The following TRPS1 variants were observed in gnomAD, a reference collection of about 807,000 sequenced individuals.
TRPS1 encodes the protein zinc finger transcription factor Trps1.
Under a neutral mutation model 101.2 loss-of-function variants are expected in TRPS1, and 6 were observed. That is an observed-to-expected ratio of 0.06 (90% CI 0.03 to 0.12). The LOEUF is 0.12. Ranked by LOEUF, TRPS1 falls within the 10% of genes least tolerant of loss-of-function variation. The pLI is 1.00. For missense variants in TRPS1, 1,363 were observed against 1,567.0 expected, an observed-to-expected ratio of 0.87 and a Z score of 2.20; for synonymous variants, 578 against 589.8, an observed-to-expected ratio of 0.98 and a Z score of 0.29.
At chr8:115,539,899 G>A (rs951024745) in intron 5 of TRPS1, among the ~76,000 whole-genome samples, 2 of 152,148 alleles carry the variant, frequency 1.3e-5, no homozygotes, top group East Asian at 1.9e-4. Flanking sequence ...AATATCTGCC[G>A]TCTACATGAT....
intron 5 of TRPS1, among the ~76,000 whole-genome samples, chr8:115,499,240 T>G (rs1014759995): frequency 1.3e-5 from 2 of 152,218 alleles, no homozygotes; most frequent in African/African-American, 4.8e-5. Context: ...ATAAAGTATT[T>G]TATGATTCTT....
intron 3 of TRPS1, among the ~76,000 whole-genome samples, chr8:115,617,015 A>G (rs1818290444): frequency 6.6e-6 from 1 of 152,210 alleles, no homozygotes; most frequent in African/African-American, 2.4e-5. Context: ...CTGCAGCAGT[A>G]TCTGGCATAT....
At chr8:115,535,003 CATATATATAGCATATATATAAGCAT>C (rs1198083800) in intron 5 of TRPS1, among the ~76,000 whole-genome samples, 29 of 147,736 alleles carry the variant, frequency 2.0e-4, no homozygotes, top group African/African-American at 6.4e-4. Flanking sequence ...ATATATATAG[CATATATATAGCATATATATAAGCAT>C]ATATATATAG....
chr8:115,635,098 G>A (rs118048966), intron 1 of TRPS1, among the ~76,000 whole-genome samples: 2,670 of 152,290 alleles, frequency 0.018, 53 homozygotes, highest in Non-Finnish European at 0.028. Flanking sequence ...CCAGTTAAAA[G>A]ATAGCACTGT....
chr8:115,446,311 A>C (rs1280409499), intron 5 of TRPS1, among the ~76,000 whole-genome samples: 1 of 148,958 alleles, frequency 6.7e-6, no homozygotes, highest in Non-Finnish European at 1.5e-5. Context: ...CCATCAAAAA[A>C]ATATTTTTTT....
At chr8:115,501,920 T>C (rs1354247126) in intron 5 of TRPS1, among the ~76,000 whole-genome samples, 2 of 152,090 alleles carry the variant, frequency 1.3e-5, no homozygotes, top group African/African-American at 4.8e-5. Flanking sequence ...CCAGTCCATC[T>C]TCATTGCCAG....
intron 6 of TRPS1, 67 bp from the exon 7 acceptor site, chr8:115,415,151 T>C: frequency 6.7e-7 from 1 of 1,483,396 alleles, no homozygotes; most frequent in Non-Finnish European, 9.1e-7. Flanking sequence ...CATTAAAAAT[T>C]CCTCACAAAT....
chr8:115,596,270 A>G (rs984768483), intron 4 of TRPS1, among the ~76,000 whole-genome samples: 1 of 152,004 alleles, frequency 6.6e-6, no homozygotes, highest in African/African-American at 2.4e-5. Flanking sequence ...TATTTGTACT[A>G]GACCATAATT....
intron 3 of TRPS1, among the ~76,000 whole-genome samples, chr8:115,610,929 C>T (rs954359955): frequency 6.6e-6 from 1 of 151,864 alleles, no homozygotes; most frequent in African/African-American, 2.4e-5. Flanking sequence ...CCAGCCTGGC[C>T]AACATGGTGA....
At chr8:115,479,964 A>G (rs1814710137) in intron 5 of TRPS1, among the ~76,000 whole-genome samples, 1 of 152,158 alleles carries the variant, frequency 6.6e-6, no homozygotes, top group African/African-American at 2.4e-5. Flanking sequence ...TTTACTTCCC[A>G]ATGAAGCAGA....
At chr8:115,570,844 G>C (rs1368034781) in intron 5 of TRPS1, among the ~76,000 whole-genome samples, 1 of 152,090 alleles carries the variant, frequency 6.6e-6, no homozygotes, top group African/African-American at 2.4e-5. Context: ...TCAATCCCAT[G>C]TAAACCAAAA....
intron 5 of TRPS1, among the ~76,000 whole-genome samples, chr8:115,449,212 A>G (rs921224687): frequency 1.3e-5 from 2 of 152,170 alleles, no homozygotes; most frequent in Non-Finnish European, 2.9e-5. Flanking sequence ...TTAACTATTA[A>G]GAACTTCTCT....
intron 2 of TRPS1, among the ~76,000 whole-genome samples, chr8:115,623,155 T>C (rs148345696): frequency 2.0e-5 from 3 of 152,184 alleles, no homozygotes; most frequent in Admixed American, 6.5e-5. Context: ...AGAACACTTA[T>C]GACTCATGAC....
At chr8:115,606,113 A>G (rs1340304600) in intron 3 of TRPS1, among the ~76,000 whole-genome samples, 1 of 152,196 alleles carries the variant, frequency 6.6e-6, no homozygotes. Flanking sequence ...CTGTTCAAAA[A>G]TGACACGTGT....
intron 1 of TRPS1, among the ~76,000 whole-genome samples, chr8:115,664,419 T>C (rs1326143001): frequency 6.6e-6 from 1 of 152,072 alleles, no homozygotes; most frequent in Admixed American, 6.5e-5. Flanking sequence ...ATTCCATAAA[T>C]CATAACTATT....
intron 5 of TRPS1, among the ~76,000 whole-genome samples, chr8:115,542,966 A>G (rs1477828455): frequency 1.3e-5 from 2 of 152,150 alleles, no homozygotes; most frequent in East Asian, 3.9e-4. Flanking sequence ...GAAGACTCAC[A>G]TTTTCTCTTT....
Position 115,414,665 on chromosome 8 carries a change from T to C in TRPS1, c.3243A>G (p.Ile1081Met). Residue 1081 changes from isoleucine (I) to methionine (M), a missense_variant, in exon 7 of 7, where the codon ATA becomes ATG. By Grantham distance (10) the Ile-to-Met change is conservative. Coordinates refer to ENST00000395715, the MANE Select transcript of TRPS1 (RefSeq NM_014112.5). The surrounding 1 kb of genome is among the most constrained non-coding windows in gnomAD (Gnocchi z 4.8). ...GTTTCGCAGGTCTCATGTACTTTTC[T>C]ATAGGACTGCCTCTCTCAGAACTTC... ...GKGSSERGSP[I>M]EKYMRPAKHP... 1.9e-6 allele frequency: 3 copies of C among 1,614,084 alleles called. No individual in the cohort carries two copies. The highest frequency in any genetic ancestry group is 2.5e-6 in the Non-Finnish European group (3 of 1,179,956).
chr8:115,478,629 C>A (rs953430735), intron 5 of TRPS1, among the ~76,000 whole-genome samples: 1 of 151,760 alleles, frequency 6.6e-6, no homozygotes, highest in African/African-American at 2.4e-5. Flanking sequence ...CATGGTGAAA[C>A]CCCATCTGTC....
intron 5 of TRPS1, among the ~76,000 whole-genome samples, chr8:115,569,515 T>C (rs1446640264): frequency 6.6e-6 from 1 of 152,132 alleles, no homozygotes; most frequent in Non-Finnish European, 1.5e-5. Flanking sequence ...ACAAACATCA[T>C]ATGCATTCCT....
Sources: gnomAD v4.1 joint callset for allele counts (sites outside exome capture counted in the v4.1 genomes callset) on GRCh38, gnomAD v4.1.1 for gene constraint, Gnocchi (gnomAD v3.1) non-coding constraint, MANE v1.5 for transcripts, NCBI Gene and HGNC (gene_info 2026-07-23, HGNC 2026-07-21) for gene names.